The following MYO3B variants were observed in gnomAD, a reference collection of about 807,000 sequenced individuals.
MYO3B encodes the protein myosin-IIIb.
Under a neutral mutation model 174.6 loss-of-function variants are expected in MYO3B, and 156 were observed. That is an observed-to-expected ratio of 0.89 (90% CI 0.78 to 1.02). The LOEUF (loss-of-function observed/expected upper bound fraction) is 1.02. Among genes scored for constraint, MYO3B ranks in the 50% least tolerant of loss-of-function variants. The pLI, the probability that MYO3B is intolerant of heterozygous loss-of-function variation, is 0.00. For synonymous variants in MYO3B, 563 were observed against 569.1 expected, an observed-to-expected ratio of 0.99 and a Z score of 0.15; for missense variants, 1,632 against 1,639.4, an observed-to-expected ratio of 1.00 and a Z score of 0.08.
Position 170,529,200 on chromosome 2 carries a change from T to C in MYO3B, c.3575+9660T>C, listed in dbSNP as rs139061001. 2.4e-3 allele frequency among the ~76,000 whole-genome samples: 366 copies of C among 152,196 alleles called. 2 individuals are homozygous for C. The highest frequency in any genetic ancestry group is 8.6e-3 in the African/African-American group (356 of 41,544). ...GAGAACAACAGACACTGGAACCTACTTGAGGTTAGAGGTCGGGAGGAGGAG... is the reference window on the plus strand; with the variant it reads ...GAGAACAACAGACACTGGAACCTACCTGAGGTTAGAGGTCGGGAGGAGGAG... On this transcript the variant is annotated intron_variant, in intron 30 of 34. Transcript: ENST00000408978.
intron 7 of MYO3B, among the ~76,000 whole-genome samples, chr2:170,309,404 T>C (rs1033853422): frequency 6.6e-6 from 1 of 152,220 alleles, no homozygotes; most frequent in African/African-American, 2.4e-5. Context: ...CTTGAAGGAA[T>C]GTTCTCCCCA....
intron 7 of MYO3B, among the ~76,000 whole-genome samples, chr2:170,330,091 T>C (rs983950833): frequency 6.6e-6 from 1 of 152,216 alleles, no homozygotes; most frequent in Non-Finnish European, 1.5e-5. Flanking sequence ...CCTTCTCCCC[T>C]AACACCCTCC....
chr2:170,568,608 G>GC (rs1692225509), intron 32 of MYO3B, among the ~76,000 whole-genome samples: 1 of 152,130 alleles, frequency 6.6e-6, no homozygotes, highest in Admixed American at 6.5e-5. Flanking sequence ...TCTGCAGTTT[G>GC]CCCCACCACA....
chr2:170,447,868 A>G (rs1182887892), intron 23 of MYO3B, among the ~76,000 whole-genome samples: 3 of 152,188 alleles, frequency 2.0e-5, no homozygotes, highest in Admixed American at 6.5e-5. Flanking sequence ...AGATGAAATA[A>G]TAGGGAGTTG....
rs1229345489 is a variant in MYO3B, at chr2:170,504,566, TC to T, written c.3370+2702del. 1.3e-5 allele frequency among the ~76,000 whole-genome samples: 2 copies of T among 152,226 alleles called. 1 individual carries two copies. Among genetic ancestry groups the T allele is most frequent in the Non-Finnish European group, 2.9e-5 (2 of 68,050 alleles). On this transcript the variant is annotated intron_variant, in intron 28 of 34. Transcript: ENST00000408978. Reference sequence around the variant, plus strand: ...CTTTTCATGCTGTCAACCTTTTTCATCTGAAATGTAAATTAATTCTTGCTGG... The same window carrying T: ...CTTTTCATGCTGTCAACCTTTTTCATTGAAATGTAAATTAATTCTTGCTGG...
At chr2:170,189,265 C>T (rs2092509949) in intron 1 of MYO3B, among the ~76,000 whole-genome samples, 1 of 151,970 alleles carries the variant, frequency 6.6e-6, no homozygotes, top group Non-Finnish European at 1.5e-5. Flanking sequence ...TTATTTTTCA[C>T]CTTTTGCAGT....
At chr2:170,445,747 C>T (rs1488777731) in intron 23 of MYO3B, among the ~76,000 whole-genome samples, 1 of 152,156 alleles carries the variant, frequency 6.6e-6, no homozygotes, top group Non-Finnish European at 1.5e-5. Context: ...GATCCTTCCA[C>T]CTCAGCCTCC....
chr2:170,642,872 T>G (rs1396621756), intron 32 of MYO3B, among the ~76,000 whole-genome samples: 1 of 152,186 alleles, frequency 6.6e-6, no homozygotes, highest in Admixed American at 6.5e-5. Flanking sequence ...CAAGGCATAT[T>G]AGGGACAAGG....
At chr2:170,494,727 C>CAAAAAAAAAAAAAAAAAAAAA (rs3066990) in intron 25 of MYO3B, among the ~76,000 whole-genome samples, 1 of 92,034 alleles carries the variant, frequency 1.1e-5, no homozygotes, top group Non-Finnish European at 2.1e-5. Flanking sequence ...AACTGCGTCT[C>CAAAAAAAAAAAAAAAAAAAAA]AAAAAAAAAA....
At chr2:170,481,188 CTTCTT>C in intron 25 of MYO3B, among the ~76,000 whole-genome samples, 1 of 152,334 alleles carries the variant, frequency 6.6e-6, no homozygotes, top group East Asian at 1.9e-4. Context: ...CATCATTAGA[CTTCTT>C]TTCTTTTCAC....
At chr2:170,409,169 A>G (rs763289086) in intron 22 of MYO3B, among the ~76,000 whole-genome samples, 7 of 152,222 alleles carry the variant, frequency 4.6e-5, no homozygotes, top group Non-Finnish European at 5.9e-5. Context: ...TCTGTTCACA[A>G]CTTCGGAATT....
chr2:170,646,894 T>C (rs1276576376), intron 32 of MYO3B: 1 of 1,352,438 alleles, frequency 7.4e-7, no homozygotes, highest in Non-Finnish European at 9.9e-7. Context: ...TATATTTCTC[T>C]GTCTCTCGCC....
chr2:170,483,873 C>T (rs1269010552), intron 25 of MYO3B, among the ~76,000 whole-genome samples: 1 of 152,188 alleles, frequency 6.6e-6, no homozygotes, highest in Non-Finnish European at 1.5e-5. Flanking sequence ...GTTTTCTTCA[C>T]AGCCTCGATG....
At position 170,402,960 on chromosome 2, in the gene MYO3B, T is replaced by C. The variant is rs748542273; in HGVS notation, c.2242T>C (p.Tyr748His). 6 of 1,607,350 alleles carry C rather than the reference T, an allele frequency of 3.7e-6. No individual in the cohort carries two copies. Among genetic ancestry groups the C allele is most frequent in the Non-Finnish European group, 5.1e-6 (6 of 1,174,812 alleles). Residue 748 changes from tyrosine (Y) to histidine (H), a missense_variant, in exon 19 of 35, where the codon TAC (tyrosine) becomes CAC (histidine). Transcript: ENST00000408978. The part of the protein sequence containing the change: ...CINIANEQIQ[Y>H]YFNQHVFALE... ...AAACATCGCCAATGAGCAAATCCAG[T>C]ACTATTTCAATCAGCATGTTTTTGC... is the stretch of plus-strand genomic sequence containing the variant.
intron 32 of MYO3B, among the ~76,000 whole-genome samples, chr2:170,621,583 C>A (rs1426171828): frequency 6.6e-6 from 1 of 151,228 alleles, no homozygotes; most frequent in African/African-American, 2.4e-5. Flanking sequence ...GATCTTGGCT[C>A]AGTGCAACCT....
chr2:170,238,452 A>G (rs1347087397), intron 7 of MYO3B, among the ~76,000 whole-genome samples: 1 of 152,142 alleles, frequency 6.6e-6, no homozygotes, highest in Non-Finnish European at 1.5e-5. Flanking sequence ...TGGCTTCAGA[A>G]TTAATTTTTT....
intron 7 of MYO3B, among the ~76,000 whole-genome samples, chr2:170,289,448 A>G (rs867099776): frequency 5.9e-5 from 9 of 152,190 alleles, no homozygotes; most frequent in Admixed American, 3.9e-4. Flanking sequence ...GATAGGTTCT[A>G]TGATTCCGGG....
intron 32 of MYO3B, among the ~76,000 whole-genome samples, chr2:170,577,272 A>C (rs1692842974): frequency 6.6e-6 from 1 of 152,204 alleles, no homozygotes; most frequent in African/African-American, 2.4e-5. Flanking sequence ...GCTCTGATTT[A>C]TCATTTCCCT....
chr2:170,646,871 C>T, intron 32 of MYO3B: 2 of 1,296,836 alleles, frequency 1.5e-6, no homozygotes, highest in Non-Finnish European at 2.1e-6. Context: ...TTTTCAGTAT[C>T]TCGTTTTCTA....
Sources: gnomAD v4.1 joint callset for allele counts (sites outside exome capture counted in the v4.1 genomes callset) on GRCh38, gnomAD v4.1.1 for gene constraint, MANE v1.5 for transcripts, NCBI Gene and HGNC (gene_info 2026-07-23, HGNC 2026-07-21) for gene names.